IFNB1: variants seen among roughly 807,000 people sequenced by gnomAD.
IFNB1 encodes the protein interferon beta 1, also known as interferon beta.
For missense variants in IFNB1, 267 were observed against 210.5 expected (o/e 1.27, Z -1.66); for synonymous variants, 99 against 80.4 (o/e 1.23, Z -1.24).
At chr9:21,077,581 TA>T in the IFNB1 span, 1 of 1,614,050 alleles carries the variant, frequency 6.2e-7, no homozygotes, top group Non-Finnish European at 8.5e-7. Context: ...CAGCCAGTGC[TA>T]GATGAATCTT....
Position 21,077,745 on chromosome 9 carries a change from A to G in IFNB1, c.125T>C (p.Leu42Pro), listed in dbSNP as rs1818739479. Residue 42 changes from leucine (L) to proline (P), a missense_variant, in exon 1 of 1, where the codon CTG becomes CCG. Physicochemically the swap from Leu to Pro is moderately conservative, Grantham distance 98. Coordinates refer to ENST00000380232, the MANE Select transcript of IFNB1 (RefSeq NM_002176.4). ...TTCAAGCCTCCCATTCAATTGCCACAGGAGCTTCTGACACTGAAAATTGCT... is the reference window on the plus strand; with the variant it reads ...TTCAAGCCTCCCATTCAATTGCCACGGGAGCTTCTGACACTGAAAATTGCT... ...RSSNFQCQKLLWQLNGRLEYC... is the reference protein window; with the variant it reads ...RSSNFQCQKLPWQLNGRLEYC... 1 of 1,613,826 alleles carries G rather than the reference A, an allele frequency of 6.2e-7. No homozygotes were observed. The highest frequency in any genetic ancestry group is 1.3e-5 in the African/African-American group (1 of 74,920).
rs574896435 is a variant in IFNB1, at chr9:21,077,924, G to A, written c.-55C>T. ...CCTGTTGTGCCAGAGCAAAGGCTTC[G>A]AAAGGTTGCAGTTAGAATGTCCTTT... On this transcript the variant is annotated 5_prime_UTR_variant, in exon 1 of 1. Coordinates refer to ENST00000380232, the MANE Select transcript of IFNB1 (RefSeq NM_002176.4). 4.4e-5 allele frequency: 59 copies of A among 1,341,938 alleles called. No homozygotes were observed. Among genetic ancestry groups the A allele is most frequent in the East Asian group, 2.6e-4 (11 of 41,854 alleles). 83.1% of individuals were successfully genotyped at this position (1,341,938 alleles called of 1,614,324 possible). A position where few individuals can be genotyped will look rare whatever the true frequency, so the allele number is the denominator to read the frequency against.
At chr9:21,077,662 G>A in the IFNB1 span, 3 of 1,613,832 alleles carry the variant, frequency 1.9e-6, no homozygotes, top group Non-Finnish European at 2.5e-6. Flanking sequence ...TTCTGGAACT[G>A]CTGCAGCTGC....
Position 21,077,322 on chromosome 9 carries a change from C to T in IFNB1, c.548G>A (p.Gly183Asp). 1 of 1,611,532 alleles carries T rather than the reference C, an allele frequency of 6.2e-7. No individual in the cohort carries two copies. Reference sequence around the variant, plus strand: ...AGGAGATCTTCAGTTTCGGAGGTAACCTGTAAGTCTGTTAATGAAGTAAAA... The same window carrying T: ...AGGAGATCTTCAGTTTCGGAGGTAATCTGTAAGTCTGTTAATGAAGTAAAA... ...RNFYFINRLT[G>D]YLRN Residue 183 changes from glycine to aspartate, a missense_variant, in exon 1 of 1, where the codon GGT becomes GAT. Gly to Asp is a moderately conservative substitution (Grantham distance 94, BLOSUM62 -1). Transcript: ENST00000380232.
In IFNB1 at chr9:21,077,338, T is replaced by C; in HGVS notation, c.532A>G (p.Ile178Val). The C allele has an allele frequency of 6.2e-7, 1 of 1,613,382 alleles. No homozygotes were observed. Among genetic ancestry groups the C allele is most frequent in the South Asian group, 1.1e-5 (1 of 91,022 alleles). ...RVEILRNFYFINRLTGYLRN is the reference protein window; with the variant it reads ...RVEILRNFYFVNRLTGYLRN Reference sequence around the variant, plus strand: ...CGGAGGTAACCTGTAAGTCTGTTAATGAAGTAAAAGTTCCTTAGGATTTCC... The same window carrying C: ...CGGAGGTAACCTGTAAGTCTGTTAACGAAGTAAAAGTTCCTTAGGATTTCC... The change falls in exon 1 of 1, where the codon ATT becomes GTT. Residue 178 changes from isoleucine (I) to valine (V), a missense_variant. Ile to Val is a conservative substitution (Grantham distance 29, BLOSUM62 3). Transcript: ENST00000380232.
Position 21,077,232 on chromosome 9 carries a change from A to T in IFNB1, c.*74T>A, listed in dbSNP as rs1815094735. On this transcript the variant is annotated 3_prime_UTR_variant, in exon 1 of 1. Transcript: ENST00000380232. ...ATATGCAGTACATTAGCCATCAGTC[A>T]CTTAAACAGCATCTGCTGGTTGAAG... 1 of 953,708 alleles carries T rather than the reference A, an allele frequency of 1.0e-6. No homozygotes were observed. Among genetic ancestry groups the T allele is most frequent in the Admixed American group, 2.2e-5 (1 of 45,192 alleles). The allele number at this position is 953,708 out of a possible 1,614,324, so 59.1% of individuals were successfully genotyped here. A position where few individuals can be genotyped will look rare whatever the true frequency, so the allele number is the denominator to read the frequency against.
Position 21,077,578 on chromosome 9 carries a change from T to A in IFNB1, c.292A>T (p.Thr98Ser). The change falls in exon 1 of 1, where the codon ACT becomes TCT. Residue 98 changes from threonine to serine, a missense_variant. Physicochemically the swap from Thr to Ser is moderately conservative, Grantham distance 58. Transcript: ENST00000380232. ...FAIFRQDSSS[T>S]GWNETIVENL... ...TCAACAATAGTCTCATTCCAGCCAG[T>A]GCTAGATGAATCTTGTCTGAAAATA... 6.2e-7 allele frequency: 1 copy of A among 1,614,038 alleles called. No individual in the cohort carries two copies. Among genetic ancestry groups the A allele is most frequent in the Non-Finnish European group, 8.5e-7 (1 of 1,179,924 alleles).
chr9:21,077,256 A>C lies in IFNB1; in HGVS notation c.*50T>G. On this transcript the variant is annotated 3_prime_UTR_variant, in exon 1 of 1. Coordinates refer to ENST00000380232, the MANE Select transcript of IFNB1 (RefSeq NM_002176.4). Reference sequence around the variant, plus strand: ...CACTTAAACAGCATCTGCTGGTTGAAGAATGCTTGAAGCAATTGTCCAGTC... The same window carrying C: ...CACTTAAACAGCATCTGCTGGTTGACGAATGCTTGAAGCAATTGTCCAGTC... 2 of 1,252,464 alleles carry C rather than the reference A, an allele frequency of 1.6e-6. No individual in the cohort carries two copies. Among genetic ancestry groups the C allele is most frequent in the Non-Finnish European group, 2.3e-6 (2 of 879,232 alleles). 77.6% of individuals were successfully genotyped at this position (1,252,464 alleles called of 1,614,324 possible). A position where few individuals can be genotyped will look rare whatever the true frequency, so the allele number is the denominator to read the frequency against.
rs1446558161 is a variant in IFNB1, at chr9:21,077,500, C to G, written c.370G>C (p.Glu124Gln). The part of the protein sequence containing the change: ...HQINHLKTVL[E>Q]EKLEKEDFTR... ...AAATCTTCTTTCTCCAGTTTTTCTT[C>G]CAGGACTGTCTTCAGATGGTTTATC... The change falls in exon 1 of 1, where the codon GAA becomes CAA. Residue 124 changes from glutamate to glutamine, a missense_variant. Glu to Gln is a conservative substitution (Grantham distance 29). Transcript: ENST00000380232. 1 of 1,613,824 alleles carries G rather than the reference C, an allele frequency of 6.2e-7. No individual in the cohort carries two copies. The highest frequency in any genetic ancestry group is 8.5e-7 in the Non-Finnish European group (1 of 1,179,892).
Position 21,077,659 on chromosome 9 carries a change from A to G in IFNB1, c.211T>C (p.Phe71Leu), listed in dbSNP as rs1223083040. The change falls in exon 1 of 1, where the codon TTC becomes CTC. Residue 71 changes from phenylalanine (F) to leucine (L), a missense_variant. Physicochemically the swap from Phe to Leu is conservative, Grantham distance 22. Coordinates refer to ENST00000380232, the MANE Select transcript of IFNB1 (RefSeq NM_002176.4). Reference protein sequence around the residue: ...IPEEIKQLQQFQKEDAALTIY... With the variant: ...IPEEIKQLQQLQKEDAALTIY... Reference sequence around the variant, plus strand: ...GTCAATGCGGCGTCCTCCTTCTGGAACTGCTGCAGCTGCTTAATCTCCTCA... The same window carrying G: ...GTCAATGCGGCGTCCTCCTTCTGGAGCTGCTGCAGCTGCTTAATCTCCTCA... The G allele has an allele frequency of 6.2e-7, 1 of 1,613,978 alleles. No homozygotes were observed. The highest frequency in any genetic ancestry group is 1.1e-5 in the South Asian group (1 of 91,070).
chr9:21,077,609 G>C lies in IFNB1; in HGVS notation c.261C>G (p.Ile87Met). 1 of 1,613,974 alleles carries C rather than the reference G, an allele frequency of 6.2e-7. No homozygotes were observed. The highest frequency in any genetic ancestry group is 8.5e-7 in the Non-Finnish European group (1 of 1,179,920). Reference sequence around the variant, plus strand: ...ATGAATCTTGTCTGAAAATAGCAAAGATGTTCTGGAGCATCTCATAGATGG... The same window carrying C: ...ATGAATCTTGTCTGAAAATAGCAAACATGTTCTGGAGCATCTCATAGATGG... The part of the protein sequence containing the change: ...ALTIYEMLQN[I>M]FAIFRQDSSS... Residue 87 changes from isoleucine to methionine, a missense_variant, in exon 1 of 1, where the codon ATC becomes ATG. Coordinates refer to ENST00000380232, the MANE Select transcript of IFNB1 (RefSeq NM_002176.4).
Position 21,077,288 on chromosome 9 carries a change from G to C in IFNB1, c.*18C>G, listed in dbSNP as rs999640954. On this transcript the variant is annotated 3_prime_UTR_variant, in exon 1 of 1. Coordinates refer to ENST00000380232, the MANE Select transcript of IFNB1 (RefSeq NM_002176.4). Reference sequence around the variant, plus strand: ...TTGAAGCAATTGTCCAGTCCCAGAGGCACAGGCTAGGAGATCTTCAGTTTC... The same window carrying C: ...TTGAAGCAATTGTCCAGTCCCAGAGCCACAGGCTAGGAGATCTTCAGTTTC... 3.8e-6 allele frequency: 6 copies of C among 1,558,566 alleles called. No individual in the cohort carries two copies. Among genetic ancestry groups the C allele is most frequent in the Non-Finnish European group, 5.3e-6 (6 of 1,138,636 alleles).
rs1399986309 is a variant in IFNB1 at position 21,077,479 on chromosome 9, C to A, written c.391G>T (p.Asp131Tyr). The A allele has an allele frequency of 2.5e-6, 4 of 1,613,794 alleles. No homozygotes were observed. Among genetic ancestry groups the A allele is most frequent in the Non-Finnish European group, 3.4e-6 (4 of 1,179,858 alleles). ...TVLEEKLEKEDFTRGKLMSSL... is the reference protein window; with the variant it reads ...TVLEEKLEKEYFTRGKLMSSL... ...CTCATGAGTTTTCCCCTGGTGAAAT[C>A]TTCTTTCTCCAGTTTTTCTTCCAGG... The change falls in exon 1 of 1, where the codon GAT becomes TAT. Residue 131 changes from aspartate (D) to tyrosine (Y), a missense_variant. Coordinates refer to ENST00000380232, the MANE Select transcript of IFNB1 (RefSeq NM_002176.4).
In IFNB1 at chr9:21,077,590, C is replaced by G; in HGVS notation, c.280G>C (p.Asp94His). ...LQNIFAIFRQ[D>H]SSSTGWNETI... ...TCATTCCAGCCAGTGCTAGATGAAT[C>G]TTGTCTGAAAATAGCAAAGATGTTC... Residue 94 changes from aspartate (D) to histidine (H), a missense_variant, in exon 1 of 1, where the codon GAT (aspartate) becomes CAT (histidine). Physicochemically the swap from Asp to His is moderately conservative, Grantham distance 81 (BLOSUM62 -1). Coordinates refer to ENST00000380232, the MANE Select transcript of IFNB1 (RefSeq NM_002176.4). The G allele has an allele frequency of 6.2e-7, 1 of 1,614,004 alleles. No individual in the cohort carries two copies. The highest frequency in any genetic ancestry group is 8.5e-7 in the Non-Finnish European group (1 of 1,179,926).
Position 21,077,592 on chromosome 9 carries a change from T to C in IFNB1, c.278A>G (p.Gln93Arg), listed in dbSNP as rs199747150. The C allele has an allele frequency of 8.7e-6, 14 of 1,613,994 alleles. No individual in the cohort carries two copies. In the African/African-American group the frequency reaches 1.7e-4, roughly 20 times the overall value. Residue 93 changes from glutamine (Q) to arginine (R), a missense_variant, in exon 1 of 1, where the codon CAA becomes CGA. Physicochemically the swap from Gln to Arg is conservative, Grantham distance 43. Coordinates refer to ENST00000380232, the MANE Select transcript of IFNB1 (RefSeq NM_002176.4). ...ATTCCAGCCAGTGCTAGATGAATCT[T>C]GTCTGAAAATAGCAAAGATGTTCTG... ...MLQNIFAIFR[Q>R]DSSSTGWNET...
Position 21,077,367 on chromosome 9 carries a change from C to G in IFNB1, c.503G>C (p.Arg168Thr), listed in dbSNP as rs2132838509. 1 of 1,613,666 alleles carries G rather than the reference C, an allele frequency of 6.2e-7. No individual in the cohort carries two copies. The highest frequency in any genetic ancestry group is 2.2e-5 in the East Asian group (1 of 44,878). The change falls in exon 1 of 1, where the codon AGA becomes ACA. Residue 168 changes from arginine (R) to threonine (T), a missense_variant. Transcript: ENST00000380232. ...EYSHCAWTIV[R>T]VEILRNFYFI... Reference sequence around the variant, plus strand: ...GTAAAAGTTCCTTAGGATTTCCACTCTGACTATGGTCCAGGCACAGTGACT... The same window carrying G: ...GTAAAAGTTCCTTAGGATTTCCACTGTGACTATGGTCCAGGCACAGTGACT...
chr9:21,077,489 C>T lies in IFNB1; in HGVS notation c.381G>A (p.Leu127=). Residue 127 remains leucine (L), a synonymous_variant, in exon 1 of 1, where the codon CTG becomes CTA. Transcript: ENST00000380232. ...NHLKTVLEEK[L]EKEDFTRGKL... ...TTCCCCTGGTGAAATCTTCTTTCTCCAGTTTTTCTTCCAGGACTGTCTTCA... is the reference window on the plus strand; with the variant it reads ...TTCCCCTGGTGAAATCTTCTTTCTCTAGTTTTTCTTCCAGGACTGTCTTCA... 1.2e-6 allele frequency: 2 copies of T among 1,613,934 alleles called. No individual in the cohort carries two copies.
Position 21,077,769 on chromosome 9 carries a change from C to A in IFNB1, c.101G>T (p.Ser34Ile). The A allele has an allele frequency of 6.2e-7, 1 of 1,613,786 alleles. No homozygotes were observed. Among genetic ancestry groups the A allele is most frequent in the South Asian group, 1.1e-5 (1 of 91,082 alleles). The stretch of plus-strand genomic sequence containing the variant: ...CAGGAGCTTCTGACACTGAAAATTG[C>A]TGCTTCTTTGTAGGAATCCAAGCAA... ...YNLLGFLQRS[S>I]NFQCQKLLWQ... Residue 34 changes from serine to isoleucine, a missense_variant, in exon 1 of 1, where the codon AGC becomes ATC. Ser to Ile is a moderately radical substitution (Grantham distance 142, BLOSUM62 -2). Coordinates refer to ENST00000380232, the MANE Select transcript of IFNB1 (RefSeq NM_002176.4).
rs1564295197 is a variant in IFNB1 at position 21,077,247 on chromosome 9, G to A, written c.*59C>T. 6 of 1,146,576 alleles carry A rather than the reference G, an allele frequency of 5.2e-6. No homozygotes were observed. In the Admixed American group the frequency reaches 6.1e-5, roughly 12 times the overall value. The allele number at this position is 1,146,576 out of a possible 1,614,324, so 71.0% of individuals were successfully genotyped here. ...GCCATCAGTCACTTAAACAGCATCT[G>A]CTGGTTGAAGAATGCTTGAAGCAAT... On this transcript the variant is annotated 3_prime_UTR_variant, in exon 1 of 1. Coordinates refer to ENST00000380232, the MANE Select transcript of IFNB1 (RefSeq NM_002176.4).
Sources: gnomAD v4.1 joint callset for allele counts on GRCh38, gnomAD v4.1.1 for gene constraint, MANE v1.5 for transcripts, NCBI Gene and HGNC (gene_info 2026-07-23, HGNC 2026-07-21) for gene names.